The following C11orf65 variants were observed in gnomAD, a reference collection of about 807,000 sequenced individuals.
C11orf65 encodes the protein protein MFI.
C11orf65 carries 38 observed loss-of-function variants against 35.3 expected under a neutral mutation model. The ratio of observed to expected loss-of-function variants is 1.08; its 90% CI spans 0.83 to 1.41. The LOEUF (loss-of-function observed/expected upper bound fraction) is 1.41, where lower values mean the gene tolerates loss of function less well. Ranked by LOEUF, C11orf65 falls within the 40% of genes most tolerant of loss-of-function variation. The pLI is 0.00. For missense variants in C11orf65, 370 were observed against 367.1 expected (o/e 1.01, Z -0.06); for synonymous variants, 105 against 114.4 (o/e 0.92, Z 0.53).
At chr11:108,355,171 T>G in intron 2 of C11orf65, 1 of 360,278 alleles carries the variant, frequency 2.8e-6, no homozygotes, top group Non-Finnish European at 5.1e-6. Context: ...TATTATTATT[T>G]TCAGAATGGT....
intron 6 of C11orf65, among the ~76,000 whole-genome samples, chr11:108,324,828 C>G (rs1232200232): frequency 6.6e-6 from 1 of 152,142 alleles, no homozygotes; most frequent in African/African-American, 2.4e-5. Flanking sequence ...AAACCTTTGC[C>G]AGATGCCAGC....
intron 2 of C11orf65, among the ~76,000 whole-genome samples, chr11:108,456,285 C>T (rs2093410617): frequency 1.3e-5 from 2 of 152,164 alleles, no homozygotes; most frequent in South Asian, 4.2e-4. Context: ...ATGGTATTTT[C>T]AAAGGTATTT....
At chr11:108,383,616 C>T (rs190315363) in intron 8 of C11orf65, among the ~76,000 whole-genome samples, 1 of 152,242 alleles carries the variant, frequency 6.6e-6, no homozygotes, top group East Asian at 1.9e-4. Flanking sequence ...GGGAGAAATG[C>T]CCTTTTCCTC....
At chr11:108,436,826 C>T (rs2093066471) in intron 2 of C11orf65, among the ~76,000 whole-genome samples, 1 of 151,992 alleles carries the variant, frequency 6.6e-6, no homozygotes, top group African/African-American at 2.4e-5. Context: ...CATCTGAGTG[C>T]TGAGGGGGGA....
chr11:108,407,997 TTTATTATTATTA>T lies in C11orf65; in HGVS notation c.175-860_175-849del, dbSNP rs140542318. On this transcript the variant is annotated intron_variant, in intron 3 of 8. Coordinates refer to ENST00000393084, the MANE Select transcript of C11orf65 (RefSeq NM_152587.5). Reference sequence around the variant, plus strand: ...TTATGAGCTAAGGACTTAATTTCTTTTTATTATTATTATTATTATTATTATTATTATTTTATT... The same window carrying T: ...TTATGAGCTAAGGACTTAATTTCTTTTTATTATTATTATTATTATTTTATT... Among the ~76,000 whole-genome samples, 286 of 139,558 alleles carry T rather than the reference TTTATTATTATTA, an allele frequency of 2.0e-3. 3 individuals are homozygous for T. Among genetic ancestry groups the T allele is most frequent in the African/African-American group, 7.1e-3 (270 of 38,194 alleles). 91.6% of individuals were successfully genotyped at this position (139,558 alleles called of 152,430 possible).
intron 1 of C11orf65, among the ~76,000 whole-genome samples, chr11:108,465,155 A>G (rs1266729955): frequency 6.6e-6 from 1 of 152,210 alleles, no homozygotes. Context: ...CCAATTTTGT[A>G]GGTGGAAATT....
At chr11:108,465,377 C>T (rs1473646922) in intron 1 of C11orf65, among the ~76,000 whole-genome samples, 1 of 152,106 alleles carries the variant, frequency 6.6e-6, no homozygotes, top group Non-Finnish European at 1.5e-5. Context: ...AAATATATTC[C>T]AGCATTCAAA....
At chr11:108,426,359 C>T (rs75834046) in intron 3 of C11orf65, among the ~76,000 whole-genome samples, 1 of 152,066 alleles carries the variant, frequency 6.6e-6, no homozygotes, top group African/African-American at 2.4e-5. Context: ...CAATAATAGA[C>T]AATCAGAGAC....
At chr11:108,364,948 G>A (rs564739540) in intron 2 of C11orf65, 33 of 932,924 alleles carry the variant, frequency 3.5e-5, no homozygotes, top group Non-Finnish European at 4.9e-5. Context: ...AACATGAAGT[G>A]TGCATGATGT....
chr11:108,386,949 T>C (rs1376548569), intron 7 of C11orf65, among the ~76,000 whole-genome samples: 1 of 151,832 alleles, frequency 6.6e-6, no homozygotes, highest in Non-Finnish European at 1.5e-5. Context: ...GGTGTGGTGA[T>C]GCATGCCTGT....
rs1359195708 is a variant in C11orf65, at chr11:108,345,747, T to C, written c.227-10455A>G. The C allele has an allele frequency of 5.0e-6, 8 of 1,607,784 alleles. No individual in the cohort carries two copies. In the South Asian group the frequency reaches 8.8e-5, roughly 18 times the overall value. On this transcript the variant is annotated intron_variant, in intron 2 of 3. Coordinates refer to the C11orf65 transcript ENST00000524755. ...ATATATATTCTCTATTTAAAGGAGG[T>C]GCAAAAAAAGTCTTTTGAAGAGAAA...
chr11:108,441,013 A>T (rs746177127), intron 2 of C11orf65, among the ~76,000 whole-genome samples: 1 of 152,186 alleles, frequency 6.6e-6, no homozygotes, highest in Admixed American at 6.5e-5. Context: ...GAGCCAAAGC[A>T]GGGCAACGCA....
chr11:108,461,174 G>T (rs1268091905), intron 2 of C11orf65, among the ~76,000 whole-genome samples: 2 of 152,126 alleles, frequency 1.3e-5, no homozygotes, highest in Non-Finnish European at 2.9e-5. Flanking sequence ...GGCCAAGGAG[G>T]GTGGATCACC....
intron 8 of C11orf65, 112 bp downstream of exon 8, chr11:108,385,808 A>T (rs1591435858): frequency 1.2e-6 from 1 of 838,740 alleles, no homozygotes; most frequent in East Asian, 2.5e-5. Flanking sequence ...AAATGCATCT[A>T]AATTTATATA....
chr11:108,362,593 T>A (rs1026780030), intron 2 of C11orf65, among the ~76,000 whole-genome samples: 2 of 149,656 alleles, frequency 1.3e-5, no homozygotes, highest in African/African-American at 2.5e-5. Flanking sequence ...ATGTAGCACA[T>A]ATACACCATG....
rs1160455700 is a variant in C11orf65, at chr11:108,383,409, T to TA, written c.788-235dup. ...GACCTGGGTTTTAGGTCTGATCTAC[T>TA]AATAACTAGCTGTGTAATTTGGGAC... On this transcript the variant is annotated intron_variant, in intron 8 of 8. Transcript: ENST00000393084. Among the ~76,000 whole-genome samples, 3 of 152,336 alleles carry TA rather than the reference T, an allele frequency of 2.0e-5. No individual in the cohort carries two copies. In the South Asian group the frequency reaches 6.2e-4, roughly 32 times the overall value.
chr11:108,371,799 G>C (rs1005145856), intron 2 of C11orf65, among the ~76,000 whole-genome samples: 25 of 152,092 alleles, frequency 1.6e-4, no homozygotes, highest in African/African-American at 5.6e-4. Flanking sequence ...TTTTTAAGGA[G>C]CCACCATACT....
intron 2 of C11orf65, among the ~76,000 whole-genome samples, chr11:108,340,921 G>GT (rs2136867273): frequency 6.6e-6 from 1 of 152,104 alleles, no homozygotes; most frequent in South Asian, 2.1e-4. Context: ...ATTTTTTATT[G>GT]TATTGTTTTT....
At chr11:108,350,973 G>A (rs1215010633) in intron 2 of C11orf65, among the ~76,000 whole-genome samples, 3 of 152,066 alleles carry the variant, frequency 2.0e-5, no homozygotes, top group Admixed American at 6.6e-5. Context: ...GTTTATAGTA[G>A]CATTATTCAT....
Sources: gnomAD v4.1 joint callset for allele counts (sites outside exome capture counted in the v4.1 genomes callset) on GRCh38, gnomAD v4.1.1 for gene constraint, MANE v1.5 for transcripts, NCBI Gene and HGNC (gene_info 2026-07-23, HGNC 2026-07-21) for gene names.